Variants in BFSP2 observed in about 807,000 individuals in gnomAD.
BFSP2 encodes the protein beaded filament structural protein 2.
BFSP2 carries 38 observed loss-of-function variants against 44.9 expected under a neutral mutation model. That is an observed-to-expected ratio of 0.85 (90% CI 0.65 to 1.11). BFSP2 has a LOEUF of 1.11. Among genes scored for constraint, BFSP2 ranks in the 50% least tolerant of loss-of-function variants. The probability of loss-of-function intolerance (pLI) is 0.00; values close to 1 mark genes in which losing one functional copy is unlikely to be tolerated. For missense variants in BFSP2, 525 were observed against 533.0 expected (o/e 0.99, Z 0.15); for synonymous variants, 197 against 209.9 (o/e 0.94, Z 0.53).
At position 133,400,681 on chromosome 3, in the gene BFSP2, C is replaced by T. The variant is rs2073356197; in HGVS notation, c.489+109C>T. ...AGGCCAGAGAAACTGACCATAATCC[C>T]CTACACTTTCACACTTAAAATGGTA... is the stretch of plus-strand genomic sequence containing the variant. On this transcript the variant is annotated intron_variant, in intron 1 of 6. Coordinates refer to ENST00000302334, the MANE Select transcript of BFSP2 (RefSeq NM_003571.4). The surrounding 1 kb of genome is among the most constrained non-coding windows in gnomAD (Gnocchi z 4.0). The T allele has an allele frequency of 1.3e-5, 19 of 1,477,738 alleles. No individual in the cohort carries two copies. Among genetic ancestry groups the T allele is most frequent in the Non-Finnish European group, 1.6e-5 (18 of 1,094,568 alleles). 91.5% of individuals were successfully genotyped at this position (1,477,738 alleles called of 1,614,324 possible).
chr3:133,432,784 G>A (rs1044963934), intron 1 of BFSP2, among the ~76,000 whole-genome samples: 1 of 152,038 alleles, frequency 6.6e-6, no homozygotes, highest in Non-Finnish European at 1.5e-5. Flanking sequence ...TCAAACCCCA[G>A]CACCTTCTAC....
At chr3:133,451,224 T>G (rs2073962375) in intron 4 of BFSP2, among the ~76,000 whole-genome samples, 1 of 150,376 alleles carries the variant, frequency 6.6e-6, no homozygotes, top group Non-Finnish European at 1.5e-5. Flanking sequence ...TAGAAGAAAA[T>G]CTAAGCCACA....
chr3:133,407,102 C>T (rs2073411189), intron 1 of BFSP2, among the ~76,000 whole-genome samples: 1 of 152,060 alleles, frequency 6.6e-6, no homozygotes, highest in Admixed American at 6.6e-5. Context: ...ATAAATGCTG[C>T]TGGGCATGGT....
chr3:133,428,074 T>C (rs1426714984), intron 1 of BFSP2, among the ~76,000 whole-genome samples: 2 of 151,962 alleles, frequency 1.3e-5, no homozygotes, highest in East Asian at 1.9e-4. Context: ...GATTCCAGAG[T>C]CTGTATGCCC....
At chr3:133,428,194 G>A (rs746718329) in intron 1 of BFSP2, among the ~76,000 whole-genome samples, 14 of 152,152 alleles carry the variant, frequency 9.2e-5, no homozygotes, top group Non-Finnish European at 1.3e-4. Context: ...TTCCTGAGAC[G>A]CAAAGCCCAA....
intron 4 of BFSP2, among the ~76,000 whole-genome samples, chr3:133,456,583 C>A (rs1442518983): frequency 1.3e-5 from 2 of 151,938 alleles, no homozygotes; most frequent in East Asian, 1.9e-4. Flanking sequence ...CCTGTCTCCA[C>A]AAAAATACAA....
intron 1 of BFSP2, among the ~76,000 whole-genome samples, chr3:133,407,699 C>G (rs991244454): frequency 6.6e-6 from 1 of 152,032 alleles, no homozygotes; most frequent in Admixed American, 6.6e-5. Flanking sequence ...AACCATGGAA[C>G]AGAATAGAAC....
chr3:133,469,055 C>G (rs2074137744), intron 5 of BFSP2, among the ~76,000 whole-genome samples: 1 of 152,192 alleles, frequency 6.6e-6, no homozygotes, highest in African/African-American at 2.4e-5. Flanking sequence ...GCCACCTGGT[C>G]ACCTCACTTA....
At chr3:133,423,544 G>A (rs1485603205) in intron 1 of BFSP2, among the ~76,000 whole-genome samples, 1 of 150,842 alleles carries the variant, frequency 6.6e-6, no homozygotes, top group Non-Finnish European at 1.5e-5. Flanking sequence ...GGGGCGGGCG[G>A]TGGGGTGGTG....
intron 1 of BFSP2, among the ~76,000 whole-genome samples, chr3:133,409,186 C>T (rs1024507253): frequency 6.6e-6 from 1 of 151,762 alleles, no homozygotes; most frequent in Non-Finnish European, 1.5e-5. Flanking sequence ...TTTCAGTAAT[C>T]ACATTGGTGG....
chr3:133,467,002 T>G (rs962054948), intron 5 of BFSP2, 43 bp downstream of exon 5: 1 of 1,606,952 alleles, frequency 6.2e-7, no homozygotes, highest in Non-Finnish European at 8.5e-7. Context: ...GTGCTAATTT[T>G]AACTCTCTAC....
In BFSP2 at chr3:133,448,461, T is replaced by C. The variant is rs771496555; in HGVS notation, c.573-28T>C. 22 of 1,612,860 alleles carry C rather than the reference T, an allele frequency of 1.4e-5. No individual in the cohort carries two copies. In the Admixed American group the frequency reaches 3.3e-4, roughly 24 times the overall value. On this transcript the variant is annotated intron_variant, in intron 2 of 6. Transcript: ENST00000302334. ...TTCTTTTTCTTTTGGGCTACTCAGTTATGCTAATTAAGTTCCTTTATCTGC... is the reference window on the plus strand; with the variant it reads ...TTCTTTTTCTTTTGGGCTACTCAGTCATGCTAATTAAGTTCCTTTATCTGC...
Position 133,466,167 on chromosome 3 carries a change from CG to C in BFSP2, c.892-653del, listed in dbSNP as rs35325595. Among the ~76,000 whole-genome samples, 396 of 150,960 alleles carry C rather than the reference CG, an allele frequency of 2.6e-3. 3 individuals are homozygous for C. The highest frequency in any genetic ancestry group is 8.6e-3 in the African/African-American group (355 of 41,044). On this transcript the variant is annotated intron_variant, in intron 4 of 6. Coordinates refer to ENST00000302334, the MANE Select transcript of BFSP2 (RefSeq NM_003571.4). ...CTAAGATACTTTAAGTACCAAAGCA[CG>C]GGGGGGGCAATACATATTTATTTAT...
intron 1 of BFSP2, among the ~76,000 whole-genome samples, chr3:133,424,240 TTG>T (rs1559963478): frequency 6.8e-6 from 1 of 146,206 alleles, no homozygotes; most frequent in Non-Finnish European, 1.5e-5. Context: ...TTTTTTTTTT[TTG>T]TATTTTTAGT....
chr3:133,423,344 C>A (rs1234510749), intron 1 of BFSP2, among the ~76,000 whole-genome samples: 1 of 152,172 alleles, frequency 6.6e-6, no homozygotes, highest in Non-Finnish European at 1.5e-5. Flanking sequence ...CTGTACTATT[C>A]ACTCCACCGG....
intron 1 of BFSP2, among the ~76,000 whole-genome samples, chr3:133,425,021 G>C (rs560979451): frequency 1.2e-4 from 19 of 152,344 alleles, no homozygotes; most frequent in Non-Finnish European, 2.4e-4. Flanking sequence ...CAACTCCTTA[G>C]CCTGTGGGTG....
intron 4 of BFSP2, among the ~76,000 whole-genome samples, chr3:133,457,271 G>C (rs2074020709): frequency 6.6e-6 from 1 of 152,306 alleles, no homozygotes; most frequent in South Asian, 2.1e-4. Context: ...ACACTGAACG[G>C]GGATCCCGAA....
Position 133,400,459 on chromosome 3 carries a change from G to A in BFSP2, c.376G>A (p.Glu126Lys), listed in dbSNP as rs1052451744. The A allele has an allele frequency of 6.2e-7, 1 of 1,614,046 alleles. No homozygotes were observed. Among genetic ancestry groups the A allele is most frequent in the Non-Finnish European group, 8.5e-7 (1 of 1,180,040 alleles). Residue 126 changes from glutamate to lysine, a missense_variant, in exon 1 of 7, where the codon GAG (glutamate) becomes AAG (lysine). By Grantham distance (56) the Glu-to-Lys change is moderately conservative. Transcript: ENST00000302334. This position sits in a 1 kb window ranked among gnomAD's most constrained non-coding sequence, Gnocchi z 4.0. ...ATATATGGCCAAAGTGCACGCCCTT[G>A]AGCAAGTCAGTCAGGAGCTGGAAAC... ...VEYMAKVHAL[E>K]QVSQELETQL...
intron 1 of BFSP2, chr3:133,412,490 G>A (rs2107882288): frequency 6.6e-6 from 1 of 152,376 alleles, no homozygotes; most frequent in South Asian, 2.1e-4. Flanking sequence ...GAAAGAGCAG[G>A]GTATTGATTA....
Sources: allele counts gnomAD v4.1 joint callset (sites outside exome capture counted in the v4.1 genomes callset), GRCh38; gene constraint gnomAD v4.1.1; non-coding constraint Gnocchi (gnomAD v3.1); transcripts MANE v1.5; gene names NCBI Gene and HGNC (gene_info 2026-07-23, HGNC 2026-07-21).